The following EYS variants were observed in gnomAD, a reference collection of about 807,000 sequenced individuals.
EYS encodes protein eyes shut homolog.
EYS carries 250 observed loss-of-function variants against 282.1 expected under a neutral mutation model. The observed-to-expected ratio is 0.89, with a 90% CI of 0.80 to 0.98. The LOEUF is 0.98. Ranked by LOEUF, EYS falls within the 50% of genes least tolerant of loss-of-function variation. The pLI, the probability that EYS is intolerant of heterozygous loss-of-function variation, is 0.00. For missense variants in EYS, 4,016 were observed against 3,709.0 expected (o/e 1.08, Z -2.15); for synonymous variants, 1,355 against 1,282.9 (o/e 1.06, Z -1.20).
chr6:64,399,200 G>T (rs1346520647), intron 28 of EYS, among the ~76,000 whole-genome samples: 1 of 151,398 alleles, frequency 6.6e-6, no homozygotes. Context: ...ACAACTGAAA[G>T]ACTAACATAA....
intron 31 of EYS, among the ~76,000 whole-genome samples, chr6:64,109,237 A>G (rs1773129470): frequency 6.6e-6 from 1 of 152,084 alleles, no homozygotes; most frequent in South Asian, 2.1e-4. Context: ...TCCCAATTTT[A>G]TGCATATAAT....
chr6:64,674,571 C>A (rs1328770864), intron 22 of EYS, among the ~76,000 whole-genome samples: 1 of 152,036 alleles, frequency 6.6e-6, no homozygotes, highest in African/African-American at 2.4e-5. Context: ...TATCCAAATT[C>A]CTGCTGTCAT....
At chr6:64,430,625 C>T (rs183546929) in intron 28 of EYS, among the ~76,000 whole-genome samples, 86 of 152,086 alleles carry the variant, frequency 5.7e-4, no homozygotes, top group Admixed American at 3.3e-4. Context: ...TTATATTTTC[C>T]CTTATAGAAA....
intron 2 of EYS, among the ~76,000 whole-genome samples, chr6:65,617,725 C>G (rs1428724734): frequency 1.4e-5 from 2 of 139,440 alleles, no homozygotes; most frequent in Non-Finnish European, 3.1e-5. Context: ...ACCACAATCC[C>G]CAGAGTGTGA....
intron 15 of EYS, among the ~76,000 whole-genome samples, chr6:64,922,650 T>G (rs544994255): frequency 6.6e-5 from 10 of 152,146 alleles, no homozygotes; most frequent in Non-Finnish European, 1.5e-4. Flanking sequence ...CACTGGCCCT[T>G]TTGTTTCCTC....
chr6:63,925,669 A>AGTCTC (rs1764694791), intron 35 of EYS, among the ~76,000 whole-genome samples: 1 of 152,158 alleles, frequency 6.6e-6, no homozygotes, highest in Non-Finnish European at 1.5e-5. Flanking sequence ...TTTGAGACAG[A>AGTCTC]GTCTCGCTCT....
At chr6:65,439,077 A>G (rs1472757800) in intron 5 of EYS, among the ~76,000 whole-genome samples, 1 of 152,172 alleles carries the variant, frequency 6.6e-6, no homozygotes, top group African/African-American at 2.4e-5. Flanking sequence ...ACATATGGCT[A>G]GCCAGTTTTC....
intron 24 of EYS, among the ~76,000 whole-genome samples, chr6:64,593,569 T>G (rs1766478016): frequency 6.6e-6 from 1 of 152,156 alleles, no homozygotes; most frequent in African/African-American, 2.4e-5. Context: ...AAAATACTAT[T>G]TTTACTTTTG....
chr6:65,148,677 G>A (rs1764536912), intron 12 of EYS, among the ~76,000 whole-genome samples: 1 of 152,094 alleles, frequency 6.6e-6, no homozygotes, highest in South Asian at 2.1e-4. Flanking sequence ...TCTGGGTGGG[G>A]ACTCTGAACC....
At chr6:65,360,804 T>C (rs1282083581) in intron 8 of EYS, among the ~76,000 whole-genome samples, 1 of 152,130 alleles carries the variant, frequency 6.6e-6, no homozygotes, top group African/African-American at 2.4e-5. Context: ...TTTAGTGTAG[T>C]CACTGCTATG....
chr6:64,418,233 A>G (rs1404055616), intron 28 of EYS, among the ~76,000 whole-genome samples: 1 of 152,162 alleles, frequency 6.6e-6, no homozygotes, highest in Non-Finnish European at 1.5e-5. Context: ...TTAAAAAAAA[A>G]TAACTCTCTG....
At chr6:64,238,824 A>G (rs541403873) in intron 30 of EYS, among the ~76,000 whole-genome samples, 1 of 152,258 alleles carries the variant, frequency 6.6e-6, no homozygotes, top group South Asian at 2.1e-4. Flanking sequence ...ACATAGGTAT[A>G]TACGTGCCAT....
intron 22 of EYS, among the ~76,000 whole-genome samples, chr6:64,704,898 T>C (rs1436928351): frequency 1.3e-5 from 2 of 152,122 alleles, no homozygotes; most frequent in Non-Finnish European, 2.9e-5. Context: ...GTTAATAGCA[T>C]TCCCGTTGAA....
chr6:65,535,702 A>G (rs1767939046), intron 2 of EYS, among the ~76,000 whole-genome samples: 1 of 152,162 alleles, frequency 6.6e-6, no homozygotes, highest in Non-Finnish European at 1.5e-5. Flanking sequence ...TTCCTTACTC[A>G]GCGATGTCAA....
chr6:64,270,000 C>CT (rs1401296848), intron 30 of EYS, among the ~76,000 whole-genome samples: 11 of 152,016 alleles, frequency 7.2e-5, no homozygotes, highest in Admixed American at 5.9e-4. Flanking sequence ...TATCAACATA[C>CT]TTTAAGTAAA....
chr6:64,409,131 C>G (rs1010614447), intron 28 of EYS, among the ~76,000 whole-genome samples: 103 of 152,236 alleles, frequency 6.8e-4, no homozygotes, highest in African/African-American at 2.3e-3. Flanking sequence ...TGATTTCATT[C>G]CCTTTTATGG....
intron 18 of EYS, among the ~76,000 whole-genome samples, chr6:64,899,503 C>T (rs372559513): frequency 1.2e-4 from 18 of 152,232 alleles, no homozygotes; most frequent in African/African-American, 4.3e-4. Context: ...AGCTGATGAG[C>T]AACTTCAGCA....
At chr6:65,139,211 G>C (rs1371609146) in intron 12 of EYS, among the ~76,000 whole-genome samples, 1 of 151,980 alleles carries the variant, frequency 6.6e-6, no homozygotes, top group Non-Finnish European at 1.5e-5. Context: ...ACTAGATAAA[G>C]AAAATGTGGT....
intron 13 of EYS, among the ~76,000 whole-genome samples, chr6:65,052,336 A>G (rs142080516): frequency 1.1e-3 from 167 of 151,530 alleles, no homozygotes; most frequent in African/African-American, 3.9e-3. Context: ...GCAGTATTTA[A>G]TCTCATTTAC....
Sources: allele counts gnomAD v4.1 joint callset (sites outside exome capture counted in the v4.1 genomes callset), GRCh38; gene constraint gnomAD v4.1.1; transcripts MANE v1.5; gene names NCBI Gene and HGNC (gene_info 2026-07-23, HGNC 2026-07-21).